CROCC2: variants seen among roughly 807,000 people sequenced by gnomAD.
CROCC2 encodes ciliary rootlet coiled-coil, rootletin family member 2, also known as ciliary rootlet coiled-coil protein 2.
Under a neutral mutation model 177.6 loss-of-function variants are expected in CROCC2, and 163 were observed. The observed-to-expected ratio is 0.92, with a 90% confidence interval of 0.81 to 1.05. CROCC2 has a LOEUF of 1.05. CROCC2 is among the 50% of genes least tolerant of loss of function. The pLI is 0.00. For missense variants in CROCC2, 1,929 were observed against 1,797.8 expected (o/e 1.07, Z -1.32); for synonymous variants, 904 against 787.3 (o/e 1.15, Z -2.48).
intron 3 of CROCC2, among the ~76,000 whole-genome samples, chr2:240,921,832 C>G (rs1229469552): frequency 6.6e-6 from 1 of 152,236 alleles, no homozygotes; most frequent in East Asian, 1.9e-4. Context: ...ATAGCCACAG[C>G]TGAGGCCCCA....
intron 30 of CROCC2, 37 bp from the exon 31 acceptor site, chr2:240,991,159 C>T (rs1222905165): frequency 1.3e-6 from 2 of 1,482,930 alleles, no homozygotes; most frequent in East Asian, 2.6e-5. Flanking sequence ...GGCCGTGCAG[C>T]CTGCCCACCT....
At chr2:240,962,556 G>A (rs555031264) in intron 20 of CROCC2, among the ~76,000 whole-genome samples, 4 of 152,266 alleles carry the variant, frequency 2.6e-5, no homozygotes, top group Middle Eastern at 3.4e-3. Context: ...CGGCAGCCTC[G>A]GGAGCCAGGC....
chr2:240,991,326 G>A, intron 31 of CROCC2, 48 bp downstream of exon 31: 2 of 1,502,532 alleles, frequency 1.3e-6, no homozygotes, highest in Non-Finnish European at 1.8e-6. Flanking sequence ...CTTCAGCCCT[G>A]ACTGGCCAGG....
At chr2:240,985,692 C>T (rs2059835686) in intron 28 of CROCC2, among the ~76,000 whole-genome samples, 1 of 101,920 alleles carries the variant, frequency 9.8e-6, no homozygotes, top group Non-Finnish European at 1.9e-5. Flanking sequence ...CCACACACAC[C>T]CAGGCACTCA....
chr2:240,922,639 A>C lies in CROCC2; in HGVS notation c.482A>C (p.Glu161Ala), dbSNP rs748108808. ...GCCCTTGGCCGTCTGGAGGCTGCCG[A>C]GGAGAGGTGAGGCCAGGTGCGGGGC... ...EEALGRLEAA[E>A]ERSTGLCQVN... The change falls in exon 4 of 32, where the codon GAG becomes GCG. Residue 161 changes from glutamate (E) to alanine (A), a missense_variant. Glu to Ala is a moderately radical substitution (Grantham distance 107). Coordinates refer to ENST00000690015, the MANE Select transcript of CROCC2 (RefSeq NM_001351305.2). The C allele has an allele frequency of 1.3e-4, 86 of 647,536 alleles. No individual in the cohort carries two copies. The highest frequency in any genetic ancestry group is 3.0e-4 in the South Asian group (18 of 60,318). 40.1% of individuals were successfully genotyped at this position (647,536 alleles called of 1,614,324 possible).
At chr2:240,922,707 TG>T in intron 4 of CROCC2, 62 bp downstream of exon 4, 1 of 517,564 alleles carries the variant, frequency 1.9e-6, no homozygotes. Flanking sequence ...CGAGAGGCAG[TG>T]GGACCCTCTG....
intron 27 of CROCC2, among the ~76,000 whole-genome samples, chr2:240,971,660 T>A (rs2059721790): frequency 6.6e-6 from 1 of 152,114 alleles, no homozygotes; most frequent in African/African-American, 2.4e-5. Flanking sequence ...CCCTCCCTAC[T>A]TGCAGAATCA....
In CROCC2 at chr2:240,993,201, C is replaced by G; in HGVS notation, c.*120C>G. The G allele has an allele frequency of 1.5e-6, 1 of 653,350 alleles. No homozygotes were observed. The highest frequency in any genetic ancestry group is 2.9e-6 in the Non-Finnish European group (1 of 346,576). The allele number at this position is 653,350 out of a possible 1,614,324, so 40.5% of individuals were successfully genotyped here. On this transcript the variant is annotated 3_prime_UTR_variant, in exon 32 of 32. Coordinates refer to ENST00000690015, the MANE Select transcript of CROCC2 (RefSeq NM_001351305.2). ...GAAAGGCACCCGTGATGAGACAGCTCGCTCTCGGCAGTTTCAGGACCCTCC... is the reference window on the plus strand; with the variant it reads ...GAAAGGCACCCGTGATGAGACAGCTGGCTCTCGGCAGTTTCAGGACCCTCC...
intron 20 of CROCC2, chr2:240,963,302 G>A (rs2059655440): frequency 3.9e-6 from 2 of 508,180 alleles, no homozygotes; most frequent in South Asian, 7.4e-5. Context: ...AGGCCGCAGC[G>A]TGGGGCCGGG....
At chr2:240,959,990 C>A (rs1363964881) in intron 20 of CROCC2, among the ~76,000 whole-genome samples, 2 of 152,246 alleles carry the variant, frequency 1.3e-5, no homozygotes, top group African/African-American at 4.8e-5. Flanking sequence ...TGGCCAGAGC[C>A]ACGCAGCCAA....
Position 240,937,477 on chromosome 2 carries a change from T to C in CROCC2, c.2169+1889T>C, listed in dbSNP as rs186479015. On this transcript the variant is annotated intron_variant, in intron 14 of 31. Coordinates refer to ENST00000690015, the MANE Select transcript of CROCC2 (RefSeq NM_001351305.2). ...CCCCAAGGTTGTGGCTGCCTGTACA[T>C]TTTCTCAATGATATTTTTTATGGAT... Among the ~76,000 whole-genome samples, 546 of 152,338 alleles carry C rather than the reference T, an allele frequency of 3.6e-3. 4 individuals carry two copies. Among genetic ancestry groups the C allele is most frequent in the African/African-American group, 0.012 (516 of 41,568 alleles).
chr2:240,928,693 ACC>A (rs2059409342), intron 5 of CROCC2, among the ~76,000 whole-genome samples: 1 of 152,098 alleles, frequency 6.6e-6, no homozygotes, highest in African/African-American at 2.4e-5. Context: ...GCAAGCGTCT[ACC>A]CCGTACAGCA....
At chr2:240,959,152 A>T (rs1285857962) in intron 19 of CROCC2, 149 bp from the exon 20 acceptor site, 7 of 870,764 alleles carry the variant, frequency 8.0e-6, no homozygotes. Flanking sequence ...ACCAAGGGCC[A>T]GTTACCCCGG....
At chr2:240,910,875 A>C (rs537848208) in intron 1 of CROCC2, among the ~76,000 whole-genome samples, 16 of 152,130 alleles carry the variant, frequency 1.1e-4, no homozygotes, top group African/African-American at 2.7e-4. Context: ...TCACACCTGT[A>C]ATCCCAGCAC....
chr2:240,920,968 AG>A (rs1349788872), intron 3 of CROCC2, among the ~76,000 whole-genome samples: 1 of 152,164 alleles, frequency 6.6e-6, no homozygotes, highest in Non-Finnish European at 1.5e-5. Context: ...TGCCATCTTC[AG>A]AGCCCCCCTG....
chr2:240,917,147 T>TCGGGAGGA lies in CROCC2; in HGVS notation c.79-1574_79-1567dup, dbSNP rs1270418664. On this transcript the variant is annotated intron_variant, in intron 1 of 31. Coordinates refer to ENST00000690015, the MANE Select transcript of CROCC2 (RefSeq NM_001351305.2). This position sits in a 1 kb window ranked among gnomAD's most constrained non-coding sequence, Gnocchi z 4.9. ...GAGACAGACCCTGGTGCACGGGCTGTCGGGAGGACGGGCGGGCTGGCCCCA... is the reference window on the plus strand; with the variant it reads ...GAGACAGACCCTGGTGCACGGGCTGTCGGGAGGACGGGAGGACGGGCGGGCTGGCCCCA... Among the ~76,000 whole-genome samples the TCGGGAGGA allele has an allele frequency of 3.3e-5, 5 of 152,122 alleles. No individual in the cohort carries two copies. Among genetic ancestry groups the TCGGGAGGA allele is most frequent in the Admixed American group, 6.5e-5 (1 of 15,290 alleles).
At chr2:240,962,229 T>G (rs943137977) in intron 20 of CROCC2, among the ~76,000 whole-genome samples, 3 of 147,130 alleles carry the variant, frequency 2.0e-5, no homozygotes, top group African/African-American at 7.6e-5. Flanking sequence ...ATAATCACAT[T>G]AAGTGATTTG....
At chr2:240,931,307 C>A (rs918980166) in intron 7 of CROCC2, among the ~76,000 whole-genome samples, 179 bp downstream of exon 7, 4 of 152,198 alleles carry the variant, frequency 2.6e-5, no homozygotes, top group Admixed American at 2.6e-4. Context: ...GCAGGGCACT[C>A]CCCTAATGCC....
intron 5 of CROCC2, among the ~76,000 whole-genome samples, chr2:240,927,051 C>T (rs1302199411): frequency 6.6e-6 from 1 of 152,250 alleles, no homozygotes; most frequent in African/African-American, 2.4e-5. Context: ...TTTATTTTCC[C>T]TTTGTCCTTG....
Sources: gnomAD v4.1 joint callset for allele counts (sites outside exome capture counted in the v4.1 genomes callset) on GRCh38, gnomAD v4.1.1 for gene constraint, Gnocchi (gnomAD v3.1) non-coding constraint, MANE v1.5 for transcripts, NCBI Gene and HGNC (gene_info 2026-07-23, HGNC 2026-07-21) for gene names.